Variants in ZNF618 observed in about 807,000 individuals in gnomAD.
The protein encoded by ZNF618 is zinc finger protein 618.
ZNF618 carries 34 observed loss-of-function variants against 103.0 expected under a neutral mutation model. The ratio of observed to expected loss-of-function variants is 0.33; its 90% confidence interval spans 0.25 to 0.44. ZNF618 has a LOEUF of 0.44. ZNF618 is among the 20% of genes least tolerant of loss of function. The pLI is 1.00. For missense variants in ZNF618, 1,059 were observed against 1,295.4 expected (o/e 0.82, Z 2.80); for synonymous variants, 551 against 542.2 (o/e 1.02, Z -0.23).
At chr9:113,925,474 CTCTG>C (rs1833009932) in intron 1 of ZNF618, among the ~76,000 whole-genome samples, 1 of 146,042 alleles carries the variant, frequency 6.8e-6, no homozygotes, top group Non-Finnish European at 1.5e-5. Context: ...TTCTGATGAT[CTCTG>C]TCTTTTTATT....
chr9:114,001,902 A>G (rs1841249222), intron 4 of ZNF618, 94 bp from the exon 5 acceptor site: 2 of 1,074,898 alleles, frequency 1.9e-6, no homozygotes, highest in African/African-American at 3.1e-5. Context: ...CCTGGGACAG[A>G]GAGTTAGCCA....
At chr9:113,977,671 C>A (rs1198340299) in intron 2 of ZNF618, among the ~76,000 whole-genome samples, 7 of 152,164 alleles carry the variant, frequency 4.6e-5, no homozygotes, top group Non-Finnish European at 1.0e-4. Flanking sequence ...ATTGCCAGAC[C>A]CATTGGTAAA....
intron 10 of ZNF618, chr9:114,028,267 C>G (rs1353521924): frequency 5.9e-6 from 1 of 168,890 alleles, no homozygotes; most frequent in Non-Finnish European, 1.3e-5. Context: ...ACCACAGAGC[C>G]CCTTGCCCTA....
At chr9:113,971,397 C>G (rs890668899) in intron 2 of ZNF618, among the ~76,000 whole-genome samples, 1 of 152,132 alleles carries the variant, frequency 6.6e-6, no homozygotes, top group Non-Finnish European at 1.5e-5. Context: ...AAGTGAGGGT[C>G]TAGCCAGCCT....
intron 1 of ZNF618, among the ~76,000 whole-genome samples, chr9:113,921,144 GC>G (rs1242082723): frequency 2.0e-5 from 3 of 152,200 alleles, no homozygotes; most frequent in Admixed American, 2.0e-4. Flanking sequence ...TTATCTTGCA[GC>G]TTTGGCATCC....
At chr9:113,989,885 C>G (rs1040551330) in intron 3 of ZNF618, among the ~76,000 whole-genome samples, 6 of 152,390 alleles carry the variant, frequency 3.9e-5, no homozygotes, top group Middle Eastern at 3.4e-3. Context: ...TGCCTGCCCC[C>G]TGCCCTGGCT....
chr9:113,958,012 C>G (rs767826227), intron 1 of ZNF618, among the ~76,000 whole-genome samples: 24 of 152,006 alleles, frequency 1.6e-4, no homozygotes, highest in Non-Finnish European at 3.2e-4. Context: ...TTGTGGAATT[C>G]AGTCACATGA....
chr9:113,933,582 T>A (rs910452171), intron 1 of ZNF618, among the ~76,000 whole-genome samples: 2 of 152,068 alleles, frequency 1.3e-5, no homozygotes, highest in African/African-American at 4.8e-5. Flanking sequence ...GAGGCGAAAG[T>A]CTCAAATGCC....
intron 13 of ZNF618, among the ~76,000 whole-genome samples, chr9:114,038,437 G>A (rs928031128): frequency 2.0e-5 from 3 of 152,198 alleles, no homozygotes; most frequent in East Asian, 1.9e-4. Context: ...GCCATCCAGC[G>A]CAAAGCCAGG....
At chr9:113,951,440 T>TACACATAC (rs760139132) in intron 1 of ZNF618, among the ~76,000 whole-genome samples, 13 of 29,480 alleles carry the variant, frequency 4.4e-4, no homozygotes, top group African/African-American at 9.9e-4. Context: ...TGTATATATA[T>TACACATAC]ACATATATGT....
intron 2 of ZNF618, among the ~76,000 whole-genome samples, chr9:113,987,106 C>T (rs1564258080): frequency 6.6e-6 from 1 of 152,160 alleles, no homozygotes; most frequent in Non-Finnish European, 1.5e-5. Context: ...CTAGCATGGC[C>T]AGGGCAGTGT....
At chr9:113,879,408 T>TA (rs1452659548) in intron 1 of ZNF618, among the ~76,000 whole-genome samples, 1 of 148,626 alleles carries the variant, frequency 6.7e-6, no homozygotes, top group East Asian at 2.1e-4. Flanking sequence ...TTTTTTTTTT[T>TA]TTTTTAAATT....
intron 13 of ZNF618, among the ~76,000 whole-genome samples, chr9:114,046,399 G>A (rs546605964): frequency 6.6e-6 from 1 of 152,210 alleles, no homozygotes; most frequent in African/African-American, 2.4e-5. Context: ...GTACAGTAAC[G>A]CACTGTACAG....
intron 13 of ZNF618, among the ~76,000 whole-genome samples, chr9:114,046,038 A>G (rs1845619295): frequency 6.6e-6 from 1 of 152,112 alleles, no homozygotes; most frequent in Admixed American, 6.5e-5. Context: ...CTAGTATGGA[A>G]AAATGCCATT....
intron 3 of ZNF618, among the ~76,000 whole-genome samples, chr9:113,996,831 C>A (rs941091428): frequency 1.3e-5 from 2 of 152,148 alleles, no homozygotes; most frequent in Non-Finnish European, 2.9e-5. Context: ...AGGAAAGTGC[C>A]ATGACTGAAA....
At chr9:113,963,765 A>G (rs1837086620) in intron 1 of ZNF618, among the ~76,000 whole-genome samples, 1 of 152,202 alleles carries the variant, frequency 6.6e-6, no homozygotes, top group Non-Finnish European at 1.5e-5. Flanking sequence ...AGATTCAACT[A>G]TATTTGCCGA....
chr9:113,903,537 T>C (rs551458583), intron 1 of ZNF618, among the ~76,000 whole-genome samples: 1 of 152,248 alleles, frequency 6.6e-6, no homozygotes, highest in African/African-American at 2.4e-5. Flanking sequence ...TTTATGTAAC[T>C]AGTCTTCTGG....
intron 1 of ZNF618, among the ~76,000 whole-genome samples, chr9:113,917,188 G>T (rs913397775): frequency 8.1e-5 from 12 of 149,018 alleles, no homozygotes; most frequent in Non-Finnish European, 1.5e-4. Context: ...TTCTGGGCTC[G>T]TCCCTCTGGA....
chr9:113,908,298 A>G (rs754543149), intron 1 of ZNF618, among the ~76,000 whole-genome samples: 6 of 152,188 alleles, frequency 3.9e-5, no homozygotes, highest in South Asian at 2.1e-4. Context: ...CATAAATGCA[A>G]TCTCACACAG....
Sources: gnomAD v4.1 joint callset for allele counts (sites outside exome capture counted in the v4.1 genomes callset) on GRCh38, gnomAD v4.1.1 for gene constraint, MANE v1.5 for transcripts, NCBI Gene and HGNC (gene_info 2026-07-23, HGNC 2026-07-21) for gene names.